The following TESK2 variants were observed in gnomAD, a reference collection of about 807,000 sequenced individuals.
The protein encoded by TESK2 is testis associated actin remodelling kinase 2.
A neutral mutation model predicts 57.1 loss-of-function variants in TESK2; 39 were observed. That is an observed-to-expected ratio of 0.68 (90% CI 0.53 to 0.89). The LOEUF (loss-of-function observed/expected upper bound fraction) is 0.89. Ranked by LOEUF, TESK2 falls within the 40% of genes least tolerant of loss-of-function variation. The pLI, the probability that TESK2 is intolerant of heterozygous loss-of-function variation, is 0.00. For missense variants in TESK2, 646 were observed against 732.1 expected (o/e 0.88, Z 1.36); for synonymous variants, 249 against 267.9 (o/e 0.93, Z 0.69).
intron 2 of TESK2, among the ~76,000 whole-genome samples, chr1:45,426,075 C>T (rs538535272): frequency 3.0e-4 from 45 of 152,058 alleles, no homozygotes; most frequent in Non-Finnish European, 5.3e-4. Context: ...GGCTTGAACC[C>T]GGGAGGCAGA....
intron 1 of TESK2, among the ~76,000 whole-genome samples, chr1:45,470,479 A>T (rs1652716190): frequency 6.6e-6 from 1 of 152,228 alleles, no homozygotes; most frequent in East Asian, 1.9e-4. Flanking sequence ...CTAGCATAAA[A>T]ACTGGCATCC....
intron 3 of TESK2, among the ~76,000 whole-genome samples, chr1:45,390,068 C>G (rs151079717): frequency 2.5e-4 from 38 of 152,210 alleles, no homozygotes; most frequent in African/African-American, 8.7e-4. Context: ...TATTCTTCAT[C>G]CACCTGTCCT....
chr1:45,468,151 G>T (rs767748911), intron 1 of TESK2, among the ~76,000 whole-genome samples: 4 of 151,216 alleles, frequency 2.6e-5, no homozygotes, highest in Admixed American at 6.6e-5. Flanking sequence ...ATTCCAGCCT[G>T]GGCAATAGAG....
chr1:45,446,295 C>T (rs1263590650), intron 2 of TESK2, among the ~76,000 whole-genome samples: 1 of 151,000 alleles, frequency 6.6e-6, no homozygotes, highest in African/African-American at 2.4e-5. Context: ...TCCATCTCTA[C>T]AAAAAAGTCA....
intron 4 of TESK2, among the ~76,000 whole-genome samples, chr1:45,373,408 C>A (rs1648283178): frequency 6.6e-6 from 1 of 152,206 alleles, no homozygotes; most frequent in African/African-American, 2.4e-5. Flanking sequence ...GAGCCATTCA[C>A]TATATTAATA....
intron 2 of TESK2, among the ~76,000 whole-genome samples, chr1:45,426,631 A>G (rs1392672828): frequency 6.6e-6 from 1 of 152,260 alleles, no homozygotes; most frequent in Non-Finnish European, 1.5e-5. Context: ...GCTTCTGCAC[A>G]GCAAATGAAA....
rs368858713 is a variant in TESK2, at chr1:45,347,899, A to G, written c.623+19T>C. On this transcript the variant is annotated intron_variant, in intron 6 of 10. Coordinates refer to ENST00000372086, the MANE Select transcript of TESK2 (RefSeq NM_007170.3). ...AGCCCCCTGTCCCTTGGACCCCAGC[A>G]TCCAGTAGGGCTACACACCTGACAT... is the stretch of plus-strand genomic sequence containing the variant. 5.8e-5 allele frequency: 93 copies of G among 1,598,654 alleles called. No individual in the cohort carries two copies. Among genetic ancestry groups the G allele is most frequent in the Non-Finnish European group, 7.6e-5 (89 of 1,166,062 alleles).
intron 3 of TESK2, among the ~76,000 whole-genome samples, chr1:45,386,903 C>T (rs1461259570): frequency 4.6e-5 from 7 of 152,112 alleles, no homozygotes; most frequent in Non-Finnish European, 7.4e-5. Context: ...CCACCCGCCT[C>T]GGCCTCCCAA....
intron 4 of TESK2, among the ~76,000 whole-genome samples, chr1:45,379,591 A>G (rs6659464): frequency 0.051 from 7,724 of 152,284 alleles, 700 homozygotes; most frequent in African/African-American, 0.18. Context: ...GAAGCAATAC[A>G]TATCAACCCG....
rs1243690352 is a variant in TESK2, at chr1:45,420,853, G to C, written c.344+872C>G. 3.3e-5 allele frequency among the ~76,000 whole-genome samples: 5 copies of C among 152,210 alleles called. No individual in the cohort carries two copies. In the East Asian group the frequency reaches 9.6e-4, roughly 29 times the overall value. Reference sequence around the variant, plus strand: ...TCCGCCTGCCTCGGCCTCCCAAAGTGCTGGGATTACAGGCGTGAGCCATCG... The same window carrying C: ...TCCGCCTGCCTCGGCCTCCCAAAGTCCTGGGATTACAGGCGTGAGCCATCG... On this transcript the variant is annotated intron_variant, in intron 3 of 10. Transcript: ENST00000372086.
intron 1 of TESK2, among the ~76,000 whole-genome samples, chr1:45,465,854 G>A (rs1276787684): frequency 1.3e-5 from 2 of 152,094 alleles, no homozygotes; most frequent in African/African-American, 2.4e-5. Context: ...ACAGCACTTA[G>A]ATGAACAAAT....
intron 2 of TESK2, among the ~76,000 whole-genome samples, chr1:45,432,038 G>T (rs945000906): frequency 2.6e-5 from 4 of 151,956 alleles, no homozygotes; most frequent in Non-Finnish European, 4.4e-5. Context: ...TTAAACCCAA[G>T]AGTTCAAGGC....
At chr1:45,452,565 GC>G (rs1651912225) in intron 2 of TESK2, among the ~76,000 whole-genome samples, 1 of 152,122 alleles carries the variant, frequency 6.6e-6, no homozygotes, top group African/African-American at 2.4e-5. Context: ...CAGGAAGATT[GC>G]TTGCGGCCAG....
intron 2 of TESK2, among the ~76,000 whole-genome samples, chr1:45,445,324 A>G (rs1032552248): frequency 5.3e-5 from 8 of 152,102 alleles, no homozygotes; most frequent in African/African-American, 1.9e-4. Context: ...TCTCATTCTC[A>G]TTGCTTGGCT....
At chr1:45,451,926 A>T (rs1170642803) in intron 2 of TESK2, among the ~76,000 whole-genome samples, 1 of 151,426 alleles carries the variant, frequency 6.6e-6, no homozygotes, top group Non-Finnish European at 1.5e-5. Context: ...CCAGCTACTC[A>T]GAAGGCTGAA....
At chr1:45,401,530 C>A (rs1461584234) in intron 3 of TESK2, among the ~76,000 whole-genome samples, 4 of 152,102 alleles carry the variant, frequency 2.6e-5, no homozygotes, top group Non-Finnish European at 2.9e-5. Flanking sequence ...GCCACTGTAT[C>A]AAAGCTGTCA....
chr1:45,399,001 A>AC (rs773452290), intron 3 of TESK2: 65 of 435,326 alleles, frequency 1.5e-4, no homozygotes, highest in Middle Eastern at 6.5e-4. Context: ...AAAAAAAAAA[A>AC]AAAAAACAAG....
intron 4 of TESK2, among the ~76,000 whole-genome samples, chr1:45,368,431 G>A (rs1372803524): frequency 6.6e-6 from 1 of 150,494 alleles, no homozygotes; most frequent in Non-Finnish European, 1.5e-5. Context: ...CTGGGCTGCA[G>A]TGGCGCAATC....
intron 3 of TESK2, among the ~76,000 whole-genome samples, chr1:45,407,849 C>A (rs747813347): frequency 1.4e-4 from 21 of 152,142 alleles, no homozygotes; most frequent in Non-Finnish European, 2.8e-4. Flanking sequence ...ATATGCATGC[C>A]TACTGCTACT....
Sources: gnomAD v4.1 joint callset for allele counts (sites outside exome capture counted in the v4.1 genomes callset) on GRCh38, gnomAD v4.1.1 for gene constraint, MANE v1.5 for transcripts, NCBI Gene and HGNC (gene_info 2026-07-23, HGNC 2026-07-21) for gene names.